The following LRMDA variants were observed in gnomAD, a reference collection of about 807,000 sequenced individuals.
The protein encoded by LRMDA is leucine-rich melanocyte differentiation-associated protein.
A neutral mutation model predicts 29.8 loss-of-function variants in LRMDA; 18 were observed. That is an observed-to-expected ratio of 0.60 (90% CI 0.42 to 0.90). The LOEUF (loss-of-function observed/expected upper bound fraction) is 0.90, where lower values mean the gene tolerates loss of function less well. Among genes scored for constraint, LRMDA ranks in the 40% least tolerant of loss-of-function variants. LRMDA has a pLI of 0.00. For synonymous variants in LRMDA, 125 were observed against 109.4 expected (o/e 1.14, Z -0.89); for missense variants, 273 against 273.9 (o/e 1.00, Z 0.02).
chr10:75,978,514 G>C (rs1396877004), intron 2 of LRMDA, among the ~76,000 whole-genome samples: 2 of 152,180 alleles, frequency 1.3e-5, no homozygotes, highest in Non-Finnish European at 2.9e-5. Flanking sequence ...GCCACAGCTA[G>C]CTGAAAGGAA....
intron 6 of LRMDA, among the ~76,000 whole-genome samples, chr10:76,464,213 C>G (rs1842541734): frequency 6.6e-6 from 1 of 152,100 alleles, no homozygotes; most frequent in African/African-American, 2.4e-5. Context: ...GCCGCTGCGC[C>G]CGGCAGATAT....
intron 3 of LRMDA, among the ~76,000 whole-genome samples, chr10:76,043,617 G>A (rs1323410770): frequency 6.6e-6 from 1 of 151,892 alleles, no homozygotes; most frequent in African/African-American, 2.4e-5. Flanking sequence ...GGCCTTGGAA[G>A]GGGCCTATGC....
At chr10:76,269,997 C>T (rs1249194957) in intron 5 of LRMDA, among the ~76,000 whole-genome samples, 3 of 152,154 alleles carry the variant, frequency 2.0e-5, no homozygotes, top group East Asian at 1.9e-4. Context: ...AAGCCACTCA[C>T]CTTTTCTCAT....
intron 5 of LRMDA, among the ~76,000 whole-genome samples, chr10:76,287,752 T>TGTTC (rs1269110703): frequency 2.0e-5 from 3 of 152,200 alleles, no homozygotes; most frequent in Non-Finnish European, 2.9e-5. Context: ...AATAAAATTC[T>TGTTC]GTTCCATAAA....
intron 5 of LRMDA, among the ~76,000 whole-genome samples, chr10:76,293,182 T>C (rs1178501234): frequency 1.3e-5 from 2 of 152,166 alleles, no homozygotes; most frequent in Admixed American, 1.3e-4. Context: ...TGTTTTGCCA[T>C]GTTGGCCAAG....
At chr10:75,470,299 C>T (rs889004410) in intron 2 of LRMDA, among the ~76,000 whole-genome samples, 1 of 152,148 alleles carries the variant, frequency 6.6e-6, no homozygotes, top group South Asian at 2.1e-4. Flanking sequence ...GAATTTGAGA[C>T]CAGCCTGGGC....
chr10:75,682,117 A>G (rs906965269), intron 2 of LRMDA, among the ~76,000 whole-genome samples: 1 of 152,140 alleles, frequency 6.6e-6, no homozygotes, highest in African/African-American at 2.4e-5. Flanking sequence ...GTGAGATGCA[A>G]GACCTAGGTT....
At chr10:75,901,796 A>C (rs1845678044) in intron 2 of LRMDA, among the ~76,000 whole-genome samples, 1 of 152,162 alleles carries the variant, frequency 6.6e-6, no homozygotes, top group Non-Finnish European at 1.5e-5. Context: ...ATTAGAACTG[A>C]CTGCTGGAGT....
intron 2 of LRMDA, among the ~76,000 whole-genome samples, chr10:75,983,648 T>C (rs990478138): frequency 2.0e-5 from 3 of 152,112 alleles, no homozygotes; most frequent in Non-Finnish European, 2.9e-5. Context: ...TACATGTACG[T>C]CTCCAATGCT....
At chr10:75,679,682 T>C (rs1300181812) in intron 2 of LRMDA, among the ~76,000 whole-genome samples, 1 of 152,230 alleles carries the variant, frequency 6.6e-6, no homozygotes, top group Non-Finnish European at 1.5e-5. Context: ...TCTGATGGCA[T>C]CATCTAGTTA....
chr10:76,517,500 A>G (rs989216524), intron 6 of LRMDA, among the ~76,000 whole-genome samples: 1 of 152,166 alleles, frequency 6.6e-6, no homozygotes, highest in Non-Finnish European at 1.5e-5. Context: ...AAGTAAATCT[A>G]TCTCTCAAGA....
intron 2 of LRMDA, among the ~76,000 whole-genome samples, chr10:75,695,974 A>G (rs1842228904): frequency 6.6e-6 from 1 of 152,162 alleles, no homozygotes; most frequent in Non-Finnish European, 1.5e-5. Flanking sequence ...GGCTCCAGGT[A>G]TATTCCGGGT....
chr10:76,316,170 G>C (rs563840005), intron 5 of LRMDA, among the ~76,000 whole-genome samples: 1 of 152,286 alleles, frequency 6.6e-6, no homozygotes, highest in African/African-American at 2.4e-5. Flanking sequence ...CCTTCAGGGA[G>C]CCCAGACCTA....
chr10:76,133,170 C>CA lies in LRMDA; in HGVS notation c.516+74389dup, dbSNP rs536900016. ...TCACTTTGGAATTGTTTGGTTGAAG[C>CA]AAGGGAAGTAAGGAAACCAAAACCT... is the stretch of plus-strand genomic sequence containing the variant. On this transcript the variant is annotated intron_variant, in intron 5 of 6. Transcript: ENST00000611255. Among the ~76,000 whole-genome samples, 32 of 151,834 alleles carry CA rather than the reference C, an allele frequency of 2.1e-4. No homozygotes were observed. The South Asian group carries it at 2.7e-3, about 13-fold the overall frequency.
chr10:75,481,384 T>A (rs1409589501), intron 2 of LRMDA, among the ~76,000 whole-genome samples: 1 of 152,148 alleles, frequency 6.6e-6, no homozygotes, highest in Non-Finnish European at 1.5e-5. Flanking sequence ...GGTCACATGC[T>A]GCAAAGAGGA....
intron 5 of LRMDA, among the ~76,000 whole-genome samples, chr10:76,135,386 A>G (rs1850075200): frequency 6.6e-6 from 1 of 152,220 alleles, no homozygotes; most frequent in Non-Finnish European, 1.5e-5. Context: ...TATGCACCAC[A>G]ATGAATGGAG....
At position 76,036,095 on chromosome 10, in the gene LRMDA, G is replaced by T; in HGVS notation, c.219G>T (p.Gly73=). ...NQLGDDLVLP[G]LPRLHTLTLN... ...TGGGGGACGACCTTGTGTTGCCAGGGTTACCCAGACTGCATACCTTAACCC... is the reference window on the plus strand; with the variant it reads ...TGGGGGACGACCTTGTGTTGCCAGGTTTACCCAGACTGCATACCTTAACCC... Residue 73 remains glycine, a synonymous_variant, in exon 3 of 7, where the codon GGG becomes GGT. Coordinates refer to ENST00000611255, the MANE Select transcript of LRMDA (RefSeq NM_001305581.2). 2 of 1,614,016 alleles carry T rather than the reference G, an allele frequency of 1.2e-6. No individual in the cohort carries two copies. Among genetic ancestry groups the T allele is most frequent in the East Asian group, 2.2e-5 (1 of 44,858 alleles).
chr10:75,564,536 C>T (rs541267033), intron 2 of LRMDA, among the ~76,000 whole-genome samples: 8 of 152,342 alleles, frequency 5.3e-5, no homozygotes, highest in Non-Finnish European at 8.8e-5. Flanking sequence ...GTGCGCTGCA[C>T]CCACTGTCCT....
intron 2 of LRMDA, among the ~76,000 whole-genome samples, chr10:75,640,644 C>T (rs1413993695): frequency 6.6e-6 from 1 of 152,198 alleles, no homozygotes; most frequent in East Asian, 1.9e-4. Flanking sequence ...GCCCCTCTCC[C>T]ATCTGCAGCC....
Sources: gnomAD v4.1 joint callset for allele counts (sites outside exome capture counted in the v4.1 genomes callset) on GRCh38, gnomAD v4.1.1 for gene constraint, MANE v1.5 for transcripts, NCBI Gene and HGNC (gene_info 2026-07-23, HGNC 2026-07-21) for gene names.